The following MAP3K2 variants were observed in gnomAD, a reference collection of about 807,000 sequenced individuals.
MAP3K2 encodes the protein mitogen-activated protein kinase kinase kinase 2.
Under a neutral mutation model 80.3 loss-of-function variants are expected in MAP3K2, and 24 were observed. That is an observed-to-expected ratio of 0.30 (90% CI 0.22 to 0.42). MAP3K2 has a LOEUF of 0.42. MAP3K2 is among the 10% of genes least tolerant of loss of function. MAP3K2 has a pLI of 1.00. For missense variants in MAP3K2, 608 were observed against 750.1 expected (o/e 0.81, Z 2.21); for synonymous variants, 244 against 253.7 (o/e 0.96, Z 0.36).
intron 1 of MAP3K2, among the ~76,000 whole-genome samples, chr2:127,343,931 G>C (rs1686547126): frequency 2.0e-5 from 3 of 152,124 alleles, no homozygotes; most frequent in African/African-American, 7.2e-5. Context: ...TGAGGTGGGA[G>C]GATCACTTGA....
chr2:127,329,272 G>C (rs183575264), intron 7 of MAP3K2, among the ~76,000 whole-genome samples: 32 of 152,080 alleles, frequency 2.1e-4, no homozygotes, highest in Non-Finnish European at 3.5e-4. Context: ...TAAAACCCTA[G>C]AGAAAGGCTT....
intron 12 of MAP3K2, among the ~76,000 whole-genome samples, chr2:127,320,493 G>A (rs1403192326): frequency 1.3e-5 from 2 of 152,050 alleles, no homozygotes; most frequent in Non-Finnish European, 2.9e-5. Context: ...GTATGAGACA[G>A]TATCAAATAG....
chr2:127,325,286 C>T (rs1686109716), intron 9 of MAP3K2, among the ~76,000 whole-genome samples: 2 of 152,194 alleles, frequency 1.3e-5, no homozygotes, highest in African/African-American at 2.4e-5. Context: ...CGTCATCATA[C>T]ACAAGTACCA....
intron 12 of MAP3K2, among the ~76,000 whole-genome samples, chr2:127,320,356 C>G (rs1685992928): frequency 6.6e-6 from 1 of 151,844 alleles, no homozygotes; most frequent in Admixed American, 6.6e-5. Context: ...AGAATTCCTT[C>G]AACAGGATCA....
At chr2:127,353,278 C>T (rs535325880) in intron 1 of MAP3K2, among the ~76,000 whole-genome samples, 7 of 151,882 alleles carry the variant, frequency 4.6e-5, no homozygotes, top group South Asian at 4.2e-4. Flanking sequence ...GGCCGCCCAT[C>T]GTCTGAGATG....
At chr2:127,383,123 A>G (rs1250165922) in intron 1 of MAP3K2, among the ~76,000 whole-genome samples, 3 of 152,204 alleles carry the variant, frequency 2.0e-5, no homozygotes, top group African/African-American at 7.2e-5. Flanking sequence ...CAGATCTCAC[A>G]TGAACTTGCT....
intron 4 of MAP3K2, among the ~76,000 whole-genome samples, chr2:127,336,564 GA>G (rs1240991983): frequency 1.3e-4 from 20 of 152,066 alleles, no homozygotes; most frequent in Admixed American, 6.6e-5. Context: ...GCCCCATAAG[GA>G]AAAAGACTGT....
In MAP3K2 at chr2:127,300,607, T is replaced by G. The variant is rs985763867; in HGVS notation, c.*6972A>C. On this transcript the variant is annotated 3_prime_UTR_variant, in exon 17 of 17. Transcript: ENST00000682094. ...TTTTTGGTATTAACTCTTATAATAT[T>G]TCAGAATTCAGGGTAGCAAATTTTA... The G allele has an allele frequency of 1.3e-5, 2 of 152,162 alleles. No individual in the cohort carries two copies. Among genetic ancestry groups the G allele is most frequent in the African/African-American group, 4.8e-5 (2 of 41,452 alleles). 9.4% of individuals were successfully genotyped at this position (152,162 alleles called of 1,614,324 possible). A position where few individuals can be genotyped will look rare whatever the true frequency, so the allele number is the denominator to read the frequency against.
chr2:127,318,218 A>C lies in MAP3K2; in HGVS notation c.1145T>G (p.Leu382Trp), dbSNP rs1685946012. 1.9e-6 allele frequency: 3 copies of C among 1,611,654 alleles called. No homozygotes were observed. Among genetic ancestry groups the C allele is most frequent in the Admixed American group, 3.4e-5 (2 of 59,548 alleles). Residue 382 changes from leucine (L) to tryptophan (W), a missense_variant, in exon 13 of 17, where the codon TTG (leucine) becomes TGG (tryptophan). Physicochemically the swap from Leu to Trp is moderately conservative, Grantham distance 61. Transcript: ENST00000682094. ...LCYDVDTGRE[L>W]AVKQVQFDPD... ...GTCAAATTGAACTTGCTTAACAGCCAATTCTCTTCCTGTATCAACATCATA... is the reference window on the plus strand; with the variant it reads ...GTCAAATTGAACTTGCTTAACAGCCCATTCTCTTCCTGTATCAACATCATA...
intron 2 of MAP3K2, among the ~76,000 whole-genome samples, chr2:127,341,593 C>T (rs541031834): frequency 1.5e-5 from 2 of 130,164 alleles, no homozygotes; most frequent in Admixed American, 1.8e-4. Flanking sequence ...AGTGCAGTGG[C>T]GTGATCTCGG....
intron 2 of MAP3K2, among the ~76,000 whole-genome samples, chr2:127,342,388 G>GGTGTGTGTGTGTGTGTGTGTGT (rs56300936): frequency 7.0e-4 from 104 of 147,856 alleles, no homozygotes; most frequent in African/African-American, 2.5e-3. Context: ...TCTTCATGAG[G>GGTGTGTGTGTGTGTGTGTGTGT]GTGTGTGTGT....
chr2:127,314,977 T>TACAC, intron 14 of MAP3K2, 94 bp from the exon 15 acceptor site: 1 of 841,342 alleles, frequency 1.2e-6, no homozygotes, highest in Admixed American at 2.8e-5. Flanking sequence ...GCAGGAATTC[T>TACAC]CATCTCACTC....
At position 127,304,285 on chromosome 2, in the gene MAP3K2, T is replaced by G. The variant is rs1233938720; in HGVS notation, c.*3294A>C. 1.3e-5 allele frequency: 2 copies of G among 152,208 alleles called. No homozygotes were observed. Among genetic ancestry groups the G allele is most frequent in the African/African-American group, 4.8e-5 (2 of 41,458 alleles). 9.4% of individuals were successfully genotyped at this position (152,208 alleles called of 1,614,324 possible). On this transcript the variant is annotated 3_prime_UTR_variant, in exon 17 of 17. Coordinates refer to ENST00000682094, the MANE Select transcript of MAP3K2 (RefSeq NM_001371910.2). ...ACTGAAATTTTCAGTCTGTATACTTTCAAATACATTTTAAATAATTAACAA... is the reference window on the plus strand; with the variant it reads ...ACTGAAATTTTCAGTCTGTATACTTGCAAATACATTTTAAATAATTAACAA...
In MAP3K2 at chr2:127,314,832, T is replaced by C. The variant is rs751822930; in HGVS notation, c.1378A>G (p.Thr460Ala). Residue 460 changes from threonine to alanine, a missense_variant, in exon 15 of 17, where the codon ACT becomes GCT. By Grantham distance (58) the Thr-to-Ala change is moderately conservative (BLOSUM62 0). Transcript: ENST00000682094. Reference protein sequence around the residue: ...KAYGALTENVTRKYTRQILEG... With the variant: ...KAYGALTENVARKYTRQILEG... The stretch of plus-strand genomic sequence containing the variant: ...AGAATCTGACGGGTGTATTTCCTAG[T>C]CACATTCTCAGTAAGAGCGCCATAT... 1 of 1,610,562 alleles carries C rather than the reference T, an allele frequency of 6.2e-7. No homozygotes were observed. Among genetic ancestry groups the C allele is most frequent in the South Asian group, 1.1e-5 (1 of 90,952 alleles).
chr2:127,314,929 A>C, intron 14 of MAP3K2, 46 bp from the exon 15 acceptor site: 1 of 1,373,032 alleles, frequency 7.3e-7, no homozygotes, highest in South Asian at 1.3e-5. Flanking sequence ...ATATGGTTTG[A>C]AATGAAAACT....
chr2:127,387,959 A>C lies in MAP3K2; in HGVS notation c.-573T>G. The C allele has an allele frequency of 2.0e-6, 2 of 984,322 alleles. No individual in the cohort carries two copies. The highest frequency in any genetic ancestry group is 2.4e-6 in the Non-Finnish European group (2 of 829,562). 61.0% of individuals were successfully genotyped at this position (984,322 alleles called of 1,614,324 possible). A position where few individuals can be genotyped will look rare whatever the true frequency, so the allele number is the denominator to read the frequency against. On this transcript the variant is annotated 5_prime_UTR_variant, in exon 1 of 17. Transcript: ENST00000682094. Reference sequence around the variant, plus strand: ...GAGGGCAGGCAGCCCGGCAGCCACTACACACGGACCCGTGACGTCGGGCGT... The same window carrying C: ...GAGGGCAGGCAGCCCGGCAGCCACTCCACACGGACCCGTGACGTCGGGCGT...
rs1048615395 is a variant in MAP3K2 at position 127,339,707 on chromosome 2, G to C, written c.5-657C>G. 5.9e-5 allele frequency among the ~76,000 whole-genome samples: 9 copies of C among 152,120 alleles called. No individual in the cohort carries two copies. Among genetic ancestry groups the C allele is most frequent in the African/African-American group, 2.2e-4 (9 of 41,442 alleles). On this transcript the variant is annotated intron_variant, in intron 2 of 16. Coordinates refer to ENST00000682094, the MANE Select transcript of MAP3K2 (RefSeq NM_001371910.2). The surrounding 1 kb of genome is among the most constrained non-coding windows in gnomAD (Gnocchi z 4.2). Reference sequence around the variant, plus strand: ...AACTGAGAGAAAGCATCATGAACATGAACTTTTAGACTCTTATAAATATAC... The same window carrying C: ...AACTGAGAGAAAGCATCATGAACATCAACTTTTAGACTCTTATAAATATAC...
At chr2:127,350,571 G>T (rs1686675974) in intron 1 of MAP3K2, among the ~76,000 whole-genome samples, 1 of 151,384 alleles carries the variant, frequency 6.6e-6, no homozygotes, top group Non-Finnish European at 1.5e-5. Context: ...GTCAACTAAT[G>T]AATGTAATAA....
chr2:127,382,431 T>G (rs2104905165), intron 1 of MAP3K2, among the ~76,000 whole-genome samples: 1 of 152,356 alleles, frequency 6.6e-6, no homozygotes, highest in Non-Finnish European at 1.5e-5. Flanking sequence ...TCTCCTTTAT[T>G]TTTGAAATAC....
Sources: gnomAD v4.1 joint callset for allele counts (sites outside exome capture counted in the v4.1 genomes callset) on GRCh38, gnomAD v4.1.1 for gene constraint, Gnocchi (gnomAD v3.1) non-coding constraint, MANE v1.5 for transcripts, NCBI Gene and HGNC (gene_info 2026-07-23, HGNC 2026-07-21) for gene names.